Variants in GGA1 observed in about 807,000 individuals in gnomAD.
The protein encoded by GGA1 is golgi associated, gamma adaptin ear containing, ARF binding protein 1, also known as ADP-ribosylation factor-binding protein GGA1.
Under a neutral mutation model 76.9 loss-of-function variants are expected in GGA1, and 18 were observed. That is an observed-to-expected ratio of 0.23 (90% CI 0.16 to 0.35). The LOEUF (loss-of-function observed/expected upper bound fraction) is 0.35, where lower values mean the gene tolerates loss of function less well. Among genes scored for constraint, GGA1 ranks in the 10% least tolerant of loss-of-function variants. The pLI is 1.00. For missense variants in GGA1, 755 were observed against 859.0 expected (o/e 0.88, Z 1.51); for synonymous variants, 342 against 354.7 (o/e 0.96, Z 0.40).
chr22:37,632,881 C>G lies in GGA1; in HGVS notation c.*170C>G. ...CAAGTGACTCTTCCCCCTCCTGCTC[C>G]GGCCCCGCCCCTGCTGAGCCAAACC... is the stretch of plus-strand genomic sequence containing the variant. On this transcript the variant is annotated 3_prime_UTR_variant, in exon 17 of 17. Transcript: ENST00000343632. This position sits in a 1 kb window ranked among gnomAD's most constrained non-coding sequence, Gnocchi z 5.1. 5.0e-6 allele frequency: 3 copies of G among 595,324 alleles called. No individual in the cohort carries two copies. Among genetic ancestry groups the G allele is most frequent in the Non-Finnish European group, 6.0e-6 (2 of 331,020 alleles). 36.9% of individuals were successfully genotyped at this position (595,324 alleles called of 1,614,324 possible). A position where few individuals can be genotyped will look rare whatever the true frequency, so the allele number is the denominator to read the frequency against.
At chr22:37,609,813 C>G (rs757089205) in intron 1 of GGA1, among the ~76,000 whole-genome samples, 21 of 152,136 alleles carry the variant, frequency 1.4e-4, no homozygotes, top group Non-Finnish European at 2.9e-4. Context: ...CTGTTGGGAC[C>G]CCGTCGTTGC....
chr22:37,622,090 T>G (rs1929997510), intron 7 of GGA1, among the ~76,000 whole-genome samples: 1 of 152,004 alleles, frequency 6.6e-6, no homozygotes, highest in Non-Finnish European at 1.5e-5. Context: ...ATGAGGAGAC[T>G]TTTTTTGAGA....
chr22:37,616,647 A>G (rs2145908039), intron 2 of GGA1, among the ~76,000 whole-genome samples: 1 of 152,312 alleles, frequency 6.6e-6, no homozygotes, highest in South Asian at 2.1e-4. Flanking sequence ...AGCTGAGCTC[A>G]TACCTTTTGA....
At position 37,623,284 on chromosome 22, in the gene GGA1, C is replaced by T. The variant is rs763517812; in HGVS notation, c.610-43C>T. 6 of 1,602,266 alleles carry T rather than the reference C, an allele frequency of 3.7e-6. No homozygotes were observed. Among genetic ancestry groups the T allele is most frequent in the Admixed American group, 1.7e-5 (1 of 59,942 alleles). On this transcript the variant is annotated intron_variant, in intron 7 of 16. Coordinates refer to ENST00000343632, the MANE Select transcript of GGA1 (RefSeq NM_013365.5). This position sits in a 1 kb window ranked among gnomAD's most constrained non-coding sequence, Gnocchi z 4.6. ...AAGTGGCAGGGGGCAGTGCCTCGTC[C>T]AGGCCAAAGGTTCTCAGGGGCCCTT... is the stretch of plus-strand genomic sequence containing the variant.
In GGA1 at chr22:37,623,517, C is replaced by T. The variant is rs373809151; in HGVS notation, c.751-35C>T. On this transcript the variant is annotated intron_variant, in intron 8 of 16. Coordinates refer to ENST00000343632, the MANE Select transcript of GGA1 (RefSeq NM_013365.5). The surrounding 1 kb of genome is among the most constrained non-coding windows in gnomAD (Gnocchi z 4.6). ...CACTCCCTGCCCACTCCACAGCCCA[C>T]GCGGACCCTGACCCGCCCATCCTGC... 1.1e-5 allele frequency: 17 copies of T among 1,612,452 alleles called. No homozygotes were observed. Among genetic ancestry groups the T allele is most frequent in the Admixed American group, 3.3e-5 (2 of 59,988 alleles).
chr22:37,617,177 C>T, intron 3 of GGA1, 180 bp downstream of exon 3: 1 of 1,461,296 alleles, frequency 6.8e-7, no homozygotes, highest in Non-Finnish European at 9.0e-7. Flanking sequence ...GGCTGGCCTC[C>T]CACCCCAGCA....
chr22:37,627,300 A>C (rs1290424531), intron 11 of GGA1: 1 of 152,312 alleles, frequency 6.6e-6, no homozygotes, highest in African/African-American at 2.4e-5. Flanking sequence ...ATAAGCAAGG[A>C]AAAGGAAATG....
intron 14 of GGA1, among the ~76,000 whole-genome samples, chr22:37,631,754 C>T (rs117316616): frequency 0.021 from 3,187 of 152,282 alleles, 41 homozygotes; most frequent in Non-Finnish European, 0.032. Flanking sequence ...TGGGCTGTGA[C>T]TCGGCTCTGG....
chr22:37,613,439 C>T (rs1380695694), intron 1 of GGA1, among the ~76,000 whole-genome samples: 4 of 151,890 alleles, frequency 2.6e-5, no homozygotes, highest in Non-Finnish European at 5.9e-5. Context: ...CCAGCTCTGT[C>T]ACCCAGGCTG....
rs1219489657 is a variant in GGA1 at position 37,632,792 on chromosome 22, C to A, written c.*81C>A. ...AGGGAGGCATTGGTGGCCAAGGACA[C>A]CCTTTGTTGCCCATGGCCATTCACC... On this transcript the variant is annotated 3_prime_UTR_variant, in exon 17 of 17. Transcript: ENST00000343632. This position sits in a 1 kb window ranked among gnomAD's most constrained non-coding sequence, Gnocchi z 5.1. The A allele has an allele frequency of 1.2e-6, 1 of 816,432 alleles. No individual in the cohort carries two copies. Among genetic ancestry groups the A allele is most frequent in the Non-Finnish European group, 2.1e-6 (1 of 482,742 alleles). The allele number at this position is 816,432 out of a possible 1,614,324, so 50.6% of individuals were successfully genotyped here. A position where few individuals can be genotyped will look rare whatever the true frequency, so the allele number is the denominator to read the frequency against.
In GGA1 at chr22:37,630,978, C is replaced by G; in HGVS notation, c.1407C>G (p.Ser469Arg). ...AGAGCAGCAGCTGCAGCTCCCCCAG[C>G]TCCAGCGCCACCAGCCTTCTCCACA... ...QNKSSSCSSP[S>R]SSATSLLHTV... Residue 469 changes from serine (S) to arginine (R), a missense_variant, in exon 14 of 17, where the codon AGC (serine) becomes AGG (arginine). Transcript: ENST00000343632. The G allele has an allele frequency of 3.1e-6, 5 of 1,613,568 alleles. No homozygotes were observed. The highest frequency in any genetic ancestry group is 4.2e-6 in the Non-Finnish European group (5 of 1,179,822).
Position 37,632,073 on chromosome 22 carries a change from G to C in GGA1, c.1606G>C (p.Gly536Arg). 3 of 1,613,804 alleles carry C rather than the reference G, an allele frequency of 1.9e-6. No homozygotes were observed. The South Asian group carries it at 3.3e-5, about 18-fold the overall frequency. ...CCATTTTGCCCGGGACCCACTGCCA[G>C]GGCGCTCCGACGTGCTGGTGGTGGT... ...LFHFARDPLP[G>R]RSDVLVVVVS... Residue 536 changes from glycine to arginine, a missense_variant, in exon 15 of 17, where the codon GGG becomes CGG. Gly to Arg is a moderately radical substitution (Grantham distance 125). Transcript: ENST00000343632. The surrounding 1 kb of genome is among the most constrained non-coding windows in gnomAD (Gnocchi z 5.1).
chr22:37,621,511 T>G, intron 6 of GGA1, 105 bp from the exon 7 acceptor site: 1 of 702,414 alleles, frequency 1.4e-6, no homozygotes, highest in Non-Finnish European at 2.5e-6. Flanking sequence ...TTAAGTAACT[T>G]ACTCAGGTCC....
At position 37,623,786 on chromosome 22, in the gene GGA1, G is replaced by C. The variant is rs1171249005; in HGVS notation, c.832+153G>C. ...CACCGACCTTGGGTTTCTCCTCTCT[G>C]AGGACACAGAGCAGGGGCCGCCCCC... On this transcript the variant is annotated intron_variant, in intron 9 of 16. Coordinates refer to ENST00000343632, the MANE Select transcript of GGA1 (RefSeq NM_013365.5). This position sits in a 1 kb window ranked among gnomAD's most constrained non-coding sequence, Gnocchi z 4.6. The C allele has an allele frequency of 3.2e-6, 2 of 615,536 alleles. No individual in the cohort carries two copies. The highest frequency in any genetic ancestry group is 3.7e-5 in the African/African-American group (2 of 53,918). 38.1% of individuals were successfully genotyped at this position (615,536 alleles called of 1,614,324 possible). A position where few individuals can be genotyped will look rare whatever the true frequency, so the allele number is the denominator to read the frequency against.
At position 37,631,094 on chromosome 22, in the gene GGA1, A is replaced by G. The variant is rs1230737174; in HGVS notation, c.1523A>G (p.Lys508Arg). Residue 508 changes from lysine (K) to arginine (R), a missense_variant, in exon 14 of 17, where the codon AAA becomes AGA. Coordinates refer to ENST00000343632, the MANE Select transcript of GGA1 (RefSeq NM_013365.5). ...ATCACTGTGCCCCTGGAGTCCATCA[A>G]ACCCAGTGAGTAGGGCTGGGGCAGG... ...ASITVPLESI[K>R]PSNILPVTVY... 6 of 1,579,856 alleles carry G rather than the reference A, an allele frequency of 3.8e-6. No homozygotes were observed. The highest frequency in any genetic ancestry group is 4.3e-6 in the Non-Finnish European group (5 of 1,164,896).
intron 11 of GGA1, among the ~76,000 whole-genome samples, chr22:37,628,154 A>G (rs1931180914): frequency 6.6e-6 from 1 of 152,114 alleles, no homozygotes; most frequent in African/African-American, 2.4e-5. Context: ...TGGGGGTCTC[A>G]CTATATTGCT....
intron 3 of GGA1, chr22:37,617,545 C>A: frequency 3.0e-6 from 3 of 987,776 alleles, no homozygotes; most frequent in South Asian, 9.2e-5. Flanking sequence ...TTAATACTTA[C>A]GTGTTTAGTT....
intron 1 of GGA1, among the ~76,000 whole-genome samples, chr22:37,612,308 CAAA>C (rs569774905): frequency 8.9e-6 from 1 of 111,942 alleles, no homozygotes; most frequent in Non-Finnish European, 1.9e-5. Context: ...ACTAAAAATA[CAAA>C]AAAAAAAAAA....
chr22:37,632,781 G>C lies in GGA1; in HGVS notation c.*70G>C. Reference sequence around the variant, plus strand: ...GTCCAGCCTGGAGGGAGGCATTGGTGGCCAAGGACACCCTTTGTTGCCCAT... The same window carrying C: ...GTCCAGCCTGGAGGGAGGCATTGGTCGCCAAGGACACCCTTTGTTGCCCAT... On this transcript the variant is annotated 3_prime_UTR_variant, in exon 17 of 17. Coordinates refer to ENST00000343632, the MANE Select transcript of GGA1 (RefSeq NM_013365.5). The surrounding 1 kb of genome is among the most constrained non-coding windows in gnomAD (Gnocchi z 5.1). 2 of 920,846 alleles carry C rather than the reference G, an allele frequency of 2.2e-6. No homozygotes were observed. The highest frequency in any genetic ancestry group is 3.5e-6 in the Non-Finnish European group (2 of 573,528). The allele number at this position is 920,846 out of a possible 1,614,324, so 57.0% of individuals were successfully genotyped here. A position where few individuals can be genotyped will look rare whatever the true frequency, so the allele number is the denominator to read the frequency against.
Sources: gnomAD v4.1 joint callset for allele counts (sites outside exome capture counted in the v4.1 genomes callset) on GRCh38, gnomAD v4.1.1 for gene constraint, Gnocchi (gnomAD v3.1) non-coding constraint, MANE v1.5 for transcripts, NCBI Gene and HGNC (gene_info 2026-07-23, HGNC 2026-07-21) for gene names.